Variants in GABRA3 observed in about 807,000 individuals in gnomAD.
The protein encoded by GABRA3 is gamma-aminobutyric acid type A receptor subunit alpha3.
A neutral mutation model predicts 30.1 loss-of-function variants in GABRA3; 10 were observed. The observed-to-expected ratio is 0.33, with a 90% CI of 0.20 to 0.56. The LOEUF (loss-of-function observed/expected upper bound fraction) is 0.56, where lower values mean the gene tolerates loss of function less well. Among genes scored for constraint, GABRA3 ranks in the 20% least tolerant of loss-of-function variants. The probability of loss-of-function intolerance (pLI) is 0.89; values close to 1 mark genes in which losing one functional copy is unlikely to be tolerated. For synonymous variants in GABRA3, 151 were observed against 146.8 expected, an observed-to-expected ratio of 1.03 and a Z score of -0.21; for missense variants, 233 against 392.0, an observed-to-expected ratio of 0.59 and a Z score of 3.42.
chrX:152,213,523 G>C (rs977613933), intron 6 of GABRA3, among the ~76,000 whole-genome samples: 3 of 111,541 alleles, frequency 2.7e-5, no homozygotes, highest in Non-Finnish European at 5.7e-5. Flanking sequence ...AAATGAGAAG[G>C]AGTCAGTCAT....
chrX:152,168,315 A>G lies in GABRA3; in HGVS notation c.1392T>C (p.Pro464=). Residue 464 remains proline (P), a synonymous_variant, in exon 10 of 10, where the codon CCT becomes CCC. Transcript: ENST00000370314. ...KVDKISRIIF[P]VLFAIFNLVY... is the part of the protein sequence containing the mutation. ...CCAGATTGAATATGGCAAAGAGCACAGGAAAGATGATGCGGGAAATTTTGT... is the reference window on the plus strand; with the variant it reads ...CCAGATTGAATATGGCAAAGAGCACGGGAAAGATGATGCGGGAAATTTTGT... 8.3e-7 allele frequency: 1 copy of G among 1,211,720 alleles called. No individual in the cohort carries two copies. Among genetic ancestry groups the G allele is most frequent in the Non-Finnish European group, 1.1e-6 (1 of 895,364 alleles).
Position 152,368,774 on chromosome X carries a change from C to T in GABRA3, c.-26-4178G>A, listed in dbSNP as rs190304996. Among the ~76,000 whole-genome samples the T allele has an allele frequency of 9.6e-3, 889 of 92,166 alleles. 8 individuals carry two copies. Among genetic ancestry groups the T allele is most frequent in the African/African-American group, 0.033 (791 of 24,039 alleles). The allele number at this position is 92,166 out of a possible 115,157, so 80.0% of individuals were successfully genotyped here. Reference sequence around the variant, plus strand: ...AGGCTGGAGTGCAGTGGCGTGATCTCGGCTCACTGCAAGCTCTGCCTCCTG... The same window carrying T: ...AGGCTGGAGTGCAGTGGCGTGATCTTGGCTCACTGCAAGCTCTGCCTCCTG... On this transcript the variant is annotated intron_variant, in intron 1 of 9. Transcript: ENST00000370314.
chrX:152,235,402 A>G (rs1326208801), intron 5 of GABRA3, among the ~76,000 whole-genome samples: 1 of 111,363 alleles, frequency 9.0e-6, no homozygotes, highest in Non-Finnish European at 1.9e-5. Context: ...AGGCAAGGGA[A>G]AGAAATAACA....
At chrX:152,360,726 T>TAAAAAAAAAAAAAAAAAA (rs1204355242) in intron 2 of GABRA3, among the ~76,000 whole-genome samples, 1 of 45,986 alleles carries the variant, frequency 2.2e-5, no homozygotes, top group Non-Finnish European at 4.2e-5. Context: ...AAAAAAAAAT[T>TAAAAAAAAAAAAAAAAAA]AAAAAAAAAA....
intron 1 of GABRA3, among the ~76,000 whole-genome samples, chrX:152,434,168 A>G (rs1256885425): frequency 9.0e-6 from 1 of 111,000 alleles, no homozygotes; most frequent in Non-Finnish European, 1.9e-5. Context: ...TTAACATTTG[A>G]GTCAGCGGGC....
chrX:152,301,832 A>G (rs1424962279), intron 3 of GABRA3, among the ~76,000 whole-genome samples: 1 of 111,468 alleles, frequency 9.0e-6, no homozygotes, highest in Non-Finnish European at 1.9e-5. Flanking sequence ...GTGCCCAGCC[A>G]TCTTGTGTGG....
intron 7 of GABRA3, among the ~76,000 whole-genome samples, chrX:152,206,469 A>G (rs906110801): frequency 5.4e-5 from 6 of 111,653 alleles, no homozygotes; most frequent in Non-Finnish European, 1.1e-4. Flanking sequence ...TTGCTTGCAT[A>G]GTCCCGGGAT....
intron 3 of GABRA3, among the ~76,000 whole-genome samples, chrX:152,334,089 A>G (rs1192900027): frequency 8.9e-6 from 1 of 112,092 alleles, no homozygotes. Context: ...ATTGTTATTT[A>G]CTGTGTCAAC....
intron 7 of GABRA3, among the ~76,000 whole-genome samples, chrX:152,201,070 G>A (rs1285258616): frequency 8.9e-6 from 1 of 112,291 alleles, no homozygotes; most frequent in African/African-American, 3.2e-5. Flanking sequence ...GTATATTCAC[G>A]AGTATTCACA....
chrX:152,228,561 A>AGAAAAGGAAC (rs201482660), intron 5 of GABRA3, among the ~76,000 whole-genome samples: 2,127 of 111,665 alleles, frequency 0.019, 34 homozygotes, highest in Non-Finnish European at 0.029. Context: ...ATATAAGTGG[A>AGAAAAGGAAC]GAAAAGGAAC....
At chrX:152,388,068 A>G (rs1929374260) in intron 1 of GABRA3, among the ~76,000 whole-genome samples, 1 of 112,292 alleles carries the variant, frequency 8.9e-6, no homozygotes, top group African/African-American at 3.2e-5. Flanking sequence ...ATGGTTAAAT[A>G]AACAATGGTC....
rs759590009 is a variant in GABRA3, at chrX:152,313,953, A to T, written c.263-29218T>A. Among the ~76,000 whole-genome samples the T allele has an allele frequency of 1.2e-4, 13 of 111,439 alleles. 1 individual carries two copies. In the South Asian group the frequency reaches 4.5e-3, roughly 39 times the overall value. ...CTTACCCAGGAAGATGGTCATTAAC[A>T]CTATTTAAGATTCCAGCAGGGAACA... On this transcript the variant is annotated intron_variant, in intron 3 of 9. Coordinates refer to ENST00000370314, the MANE Select transcript of GABRA3 (RefSeq NM_000808.4).
rs190718887 is a variant in GABRA3 at position 152,387,851 on chromosome X, G to A, written c.-26-23255C>T. 5.4e-5 allele frequency among the ~76,000 whole-genome samples: 6 copies of A among 111,079 alleles called. No homozygotes were observed. In the East Asian group the frequency reaches 1.7e-3, roughly 31 times the overall value. On this transcript the variant is annotated intron_variant, in intron 1 of 9. Coordinates refer to ENST00000370314, the MANE Select transcript of GABRA3 (RefSeq NM_000808.4). The stretch of plus-strand genomic sequence containing the variant: ...TCTGCTAGTGTGAGCGTAAATCTAT[G>A]CTTCCTTCCTTGTAAACAATCTTGC...
At chrX:152,275,236 T>TTTAATATTATATATATA (rs1428720197) in intron 4 of GABRA3, among the ~76,000 whole-genome samples, 2 of 56,565 alleles carry the variant, frequency 3.5e-5, no homozygotes, top group African/African-American at 1.9e-4. Context: ...AATTTATATA[T>TTTAATATTATATATATA]ATTTTATTAT....
intron 3 of GABRA3, among the ~76,000 whole-genome samples, chrX:152,335,548 T>G (rs1415405431): frequency 2.7e-5 from 3 of 112,063 alleles, no homozygotes; most frequent in African/African-American, 9.7e-5. Flanking sequence ...GGAGCCCTTC[T>G]GCAGTCAGAA....
chrX:152,423,817 A>G (rs1930441155), intron 1 of GABRA3, among the ~76,000 whole-genome samples: 1 of 111,452 alleles, frequency 9.0e-6, no homozygotes, highest in Non-Finnish European at 1.9e-5. Context: ...TACCAAGGAT[A>G]TTGGTATTAC....
intron 3 of GABRA3, among the ~76,000 whole-genome samples, chrX:152,327,704 G>A (rs1278166307): frequency 8.9e-6 from 1 of 111,818 alleles, no homozygotes; most frequent in Non-Finnish European, 1.9e-5. Context: ...TTAAAGCAGT[G>A]TGTAGAGGGA....
At chrX:152,293,797 A>C (rs1392112618) in intron 3 of GABRA3, among the ~76,000 whole-genome samples, 1 of 111,149 alleles carries the variant, frequency 9.0e-6, no homozygotes, top group Non-Finnish European at 1.9e-5. Flanking sequence ...TGCTTCCTTC[A>C]GGAGCTCTTG....
chrX:152,371,385 AC>A (rs1211883324), intron 1 of GABRA3, among the ~76,000 whole-genome samples: 1 of 111,183 alleles, frequency 9.0e-6, no homozygotes, highest in Non-Finnish European at 1.9e-5. Flanking sequence ...TCAGCCATAT[AC>A]TTTAACCTTT....
Sources: allele counts gnomAD v4.1 joint callset (sites outside exome capture counted in the v4.1 genomes callset), GRCh38; gene constraint gnomAD v4.1.1; transcripts MANE v1.5; gene names NCBI Gene and HGNC (gene_info 2026-07-23, HGNC 2026-07-21).